The following TDRD7 variants were observed in gnomAD, a reference collection of about 807,000 sequenced individuals.
The protein encoded by TDRD7 is tudor domain containing 7.
Under a neutral mutation model 109.8 loss-of-function variants are expected in TDRD7, and 47 were observed. That is an observed-to-expected ratio of 0.43 (90% CI 0.34 to 0.55). The LOEUF (loss-of-function observed/expected upper bound fraction) is 0.55, where lower values mean the gene tolerates loss of function less well. Ranked by LOEUF, TDRD7 falls within the 20% of genes least tolerant of loss-of-function variation. The pLI is 0.03. For synonymous variants in TDRD7, 424 were observed against 457.3 expected, an observed-to-expected ratio of 0.93 and a Z score of 0.93; for missense variants, 1,164 against 1,319.2, an observed-to-expected ratio of 0.88 and a Z score of 1.82.
chr9:97,413,142 T>A lies in TDRD7; in HGVS notation c.-7+904T>A, dbSNP rs1032979189. Among the ~76,000 whole-genome samples, 5 of 152,074 alleles carry A rather than the reference T, an allele frequency of 3.3e-5. 1 individual carries two copies. The highest frequency in any genetic ancestry group is 3.3e-4 in the Admixed American group (5 of 15,274). ...AACCCTCCTACCAACACCTCTCTGC[T>A]CTCCAATCGTGCCGGTGAAAAAAAT... On this transcript the variant is annotated intron_variant, in intron 1 of 16. Transcript: ENST00000355295.
At chr9:97,427,604 T>G (rs888838046) in intron 1 of TDRD7, among the ~76,000 whole-genome samples, 3 of 152,198 alleles carry the variant, frequency 2.0e-5, no homozygotes, top group African/African-American at 7.2e-5. Flanking sequence ...TGAATTGGCC[T>G]CTTCCTCTCT....
rs1381532 is a variant in TDRD7 at position 97,428,498 on chromosome 9, A to G, written c.33A>G (p.Leu11=). ...AAGGAGATCTGGTTTCAAAGATGCT[A>G]CGAGCTGTTCTGCAGTCTCATAAGA... MLEGDLVSKM[L]RAVLQSHKNG... Residue 11 remains leucine, a synonymous_variant, in exon 2 of 17, where the codon CTA becomes CTG. Coordinates refer to ENST00000355295, the MANE Select transcript of TDRD7 (RefSeq NM_014290.3). The G allele has an allele frequency of 0.49, 794,852 of 1,613,556 alleles. 197,663 individuals carry two copies. Among genetic ancestry groups the G allele is most frequent in the African/African-American group, 0.61 (45,737 of 74,938 alleles).
At chr9:97,424,972 A>G (rs1827962614) in intron 1 of TDRD7, among the ~76,000 whole-genome samples, 1 of 151,952 alleles carries the variant, frequency 6.6e-6, no homozygotes, top group Non-Finnish European at 1.5e-5. Context: ...AGTGGTTGCC[A>G]TATGGTTTAC....
intron 8 of TDRD7, 114 bp from the exon 9 acceptor site, chr9:97,470,444 C>T: frequency 1.0e-6 from 1 of 966,856 alleles, no homozygotes; most frequent in Admixed American, 2.1e-5. Context: ...TTCCAGGTGC[C>T]ACTCTGCCAC....
chr9:97,423,799 A>G lies in TDRD7; in HGVS notation c.-6-4661A>G, dbSNP rs896812516. Among the ~76,000 whole-genome samples, 5 of 152,214 alleles carry G rather than the reference A, an allele frequency of 3.3e-5. No homozygotes were observed. In the South Asian group the frequency reaches 8.3e-4, roughly 25 times the overall value. Reference sequence around the variant, plus strand: ...TTTAGAAGTATCTTGTTAAATTTGCATGGAGATTGTTCACATATCTTTGTG... The same window carrying G: ...TTTAGAAGTATCTTGTTAAATTTGCGTGGAGATTGTTCACATATCTTTGTG... On this transcript the variant is annotated intron_variant, in intron 1 of 16. Transcript: ENST00000355295.
At chr9:97,487,615 C>T (rs1016265329) in intron 16 of TDRD7, among the ~76,000 whole-genome samples, 1 of 152,014 alleles carries the variant, frequency 6.6e-6, no homozygotes, top group Non-Finnish European at 1.5e-5. Context: ...AGATATAATA[C>T]TGCATTCTGC....
intron 1 of TDRD7, among the ~76,000 whole-genome samples, chr9:97,427,548 T>C (rs1004376041): frequency 5.9e-5 from 9 of 152,188 alleles, no homozygotes; most frequent in African/African-American, 2.2e-4. Flanking sequence ...AGTGAATATA[T>C]CTGCATGGCT....
chr9:97,454,733 A>G (rs1226707253), intron 6 of TDRD7, among the ~76,000 whole-genome samples: 1 of 152,202 alleles, frequency 6.6e-6, no homozygotes, highest in African/African-American at 2.4e-5. Context: ...TCAGAAATCT[A>G]GTAAGATCTC....
intron 12 of TDRD7, 44 bp from the exon 13 acceptor site, chr9:97,478,395 T>G (rs1829059685): frequency 1.2e-6 from 2 of 1,612,896 alleles, no homozygotes; most frequent in South Asian, 2.2e-5. Flanking sequence ...CATTTTGGTC[T>G]TTTGAATATG....
At position 97,487,335 on chromosome 9, in the gene TDRD7, A is replaced by T; in HGVS notation, c.3076+3A>T. 6.2e-7 allele frequency: 1 copy of T among 1,613,908 alleles called. No individual in the cohort carries two copies. The highest frequency in any genetic ancestry group is 8.5e-7 in the Non-Finnish European group (1 of 1,179,844). On this transcript the variant is annotated splice_donor_region_variant and intron_variant, in intron 16 of 16. Transcript: ENST00000355295. Reference sequence around the variant, plus strand: ...AGCAGTCACAGCTCAACTTGCAGGTAATTTCTGTGGAATCTGAACTCATGC... The same window carrying T: ...AGCAGTCACAGCTCAACTTGCAGGTTATTTCTGTGGAATCTGAACTCATGC...
chr9:97,452,879 T>A (rs1301421090), intron 6 of TDRD7, among the ~76,000 whole-genome samples: 7 of 152,214 alleles, frequency 4.6e-5, no homozygotes, highest in Non-Finnish European at 1.0e-4. Flanking sequence ...CTTGTGCTGG[T>A]CATGTCAGAG....
chr9:97,443,236 T>C (rs1187800660), intron 6 of TDRD7, among the ~76,000 whole-genome samples: 1 of 152,184 alleles, frequency 6.6e-6, no homozygotes, highest in African/African-American at 2.4e-5. Context: ...ATTTTTGCCT[T>C]AGGTGTTTTA....
At chr9:97,492,129 G>A (rs770814146) in intron 16 of TDRD7, among the ~76,000 whole-genome samples, 4 of 152,172 alleles carry the variant, frequency 2.6e-5, no homozygotes, top group Non-Finnish European at 5.9e-5. Flanking sequence ...ATTGCCCTGT[G>A]ACCTTCCTTC....
intron 4 of TDRD7, among the ~76,000 whole-genome samples, chr9:97,437,556 G>C (rs1476293389): frequency 6.6e-6 from 1 of 152,220 alleles, no homozygotes; most frequent in Non-Finnish European, 1.5e-5. Context: ...TACTCAAGGG[G>C]AAGGGATTAC....
chr9:97,413,032 A>T (rs1185399568), intron 1 of TDRD7, among the ~76,000 whole-genome samples: 1 of 152,196 alleles, frequency 6.6e-6, no homozygotes, highest in East Asian at 1.9e-4. Flanking sequence ...AAACAACCAC[A>T]TTAGAACAAG....
chr9:97,488,145 A>G (rs1829243264), intron 16 of TDRD7, among the ~76,000 whole-genome samples: 1 of 152,192 alleles, frequency 6.6e-6, no homozygotes, highest in African/African-American at 2.4e-5. Context: ...CTCCCCTGTG[A>G]GCACCCTACC....
rs779430703 is a variant in TDRD7 at position 97,473,460 on chromosome 9, A to T, written c.1945-32A>T. ...AGGTAAGAGCTGCATTCTGCTCTCA[A>T]GCATTCACGAGGTATCCTTTGTCTG... On this transcript the variant is annotated intron_variant, in intron 10 of 16. Transcript: ENST00000355295. 12 of 1,613,080 alleles carry T rather than the reference A, an allele frequency of 7.4e-6. No homozygotes were observed. In the East Asian group the frequency reaches 2.7e-4, roughly 36 times the overall value.
intron 1 of TDRD7, among the ~76,000 whole-genome samples, chr9:97,423,546 T>G (rs879205091): frequency 1.3e-5 from 2 of 152,072 alleles, no homozygotes; most frequent in Admixed American, 1.3e-4. Flanking sequence ...GCTCTCACCT[T>G]TATTTCCTTT....
intron 16 of TDRD7, among the ~76,000 whole-genome samples, chr9:97,489,351 T>G (rs999446888): frequency 6.6e-6 from 1 of 152,198 alleles, no homozygotes; most frequent in African/African-American, 2.4e-5. Flanking sequence ...ACATTAAGGA[T>G]TAGTATGTCG....
Sources: allele counts gnomAD v4.1 joint callset (sites outside exome capture counted in the v4.1 genomes callset), GRCh38; gene constraint gnomAD v4.1.1; transcripts MANE v1.5; gene names NCBI Gene and HGNC (gene_info 2026-07-23, HGNC 2026-07-21).